The following PEX5 variants were observed in gnomAD, a reference collection of about 807,000 sequenced individuals.
PEX5 encodes peroxisomal biogenesis factor 5.
In PEX5, 52 loss-of-function variants were observed where a neutral mutation model predicts 82.9. The ratio of observed to expected loss-of-function variants is 0.63; its 90% CI spans 0.50 to 0.79. PEX5 has a LOEUF of 0.79. Ranked by LOEUF, PEX5 falls within the 30% of genes least tolerant of loss-of-function variation. The pLI, the probability that PEX5 is intolerant of heterozygous loss-of-function variation, is 0.00. For missense variants in PEX5, 719 were observed against 815.2 expected (o/e 0.88, Z 1.44); for synonymous variants, 300 against 318.8 (o/e 0.94, Z 0.63).
intron 2 of PEX5, 122 bp downstream of exon 2, chr12:7,190,646 G>T (rs1309862412): frequency 6.4e-7 from 1 of 1,553,962 alleles, no homozygotes; most frequent in Non-Finnish European, 8.7e-7. Flanking sequence ...AGCCCAGGTG[G>T]TGGTGGTCTG....
At chr12:7,200,064 G>C (rs1388067345) in intron 6 of PEX5, among the ~76,000 whole-genome samples, 1 of 137,590 alleles carries the variant, frequency 7.3e-6, no homozygotes, top group East Asian at 2.2e-4. Flanking sequence ...CTGGCCGGGC[G>C]GGGGGCTGAC....
At position 7,208,584 on chromosome 12, in the gene PEX5, G is replaced by T; in HGVS notation, c.1309G>T (p.Ala437Ser). Residue 437 changes from alanine (A) to serine (S), a missense_variant, in exon 13 of 16, where the codon GCC becomes TCC. Coordinates refer to ENST00000675855, the MANE Select transcript of PEX5 (RefSeq NM_001351132.2). ...CTGGCTGCGGTACACACCAGCCTAT[G>T]CCCATCTGGTGACACCTGCTGAAGA... Reference protein sequence around the residue: ...RDWLRYTPAYAHLVTPAEEGA... With the variant: ...RDWLRYTPAYSHLVTPAEEGA... 2 of 1,614,070 alleles carry T rather than the reference G, an allele frequency of 1.2e-6. No homozygotes were observed. Among genetic ancestry groups the T allele is most frequent in the Non-Finnish European group, 1.7e-6 (2 of 1,179,918 alleles).
At chr12:7,209,887 C>A (rs1591806445) in intron 15 of PEX5, 47 bp downstream of exon 15, 1 of 1,610,256 alleles carries the variant, frequency 6.2e-7, no homozygotes, top group African/African-American at 1.3e-5. Context: ...TTTCTCCCTG[C>A]CTTTGGCCCT....
At chr12:7,199,150 G>A (rs751238094) in intron 6 of PEX5, 37 bp downstream of exon 6, 5 of 1,172,776 alleles carry the variant, frequency 4.3e-6, no homozygotes, top group Non-Finnish European at 6.3e-6. Flanking sequence ...CCCGTGAAAG[G>A]AGTATGGACA....
chr12:7,200,059 C>T (rs1449089524), intron 6 of PEX5, among the ~76,000 whole-genome samples: 6 of 84,150 alleles, frequency 7.1e-5, no homozygotes, highest in African/African-American at 1.6e-4. Context: ...GGCGGCTGGC[C>T]GGGCGGGGGG....
intron 12 of PEX5, 138 bp downstream of exon 12, chr12:7,208,218 G>A (rs966821283): frequency 2.5e-6 from 2 of 790,428 alleles, no homozygotes; most frequent in African/African-American, 1.7e-5. Context: ...AAACTCTGAG[G>A]GTTGGAGTGA....
In PEX5 at chr12:7,199,063, A is replaced by C. The variant is rs1555177011; in HGVS notation, c.501A>C (p.Ser167=). The change falls in exon 6 of 16, where the codon TCA becomes TCC. Residue 167 remains serine (S), a synonymous_variant. Transcript: ENST00000675855. ...ARWAEEYLEQ[S]EEKLWLGEPE... ...GGGCTGAGGAATATTTGGAGCAATC[A>C]GAGGAGAAGCTGTGGCTGGGAGAAC... 2.5e-6 allele frequency: 4 copies of C among 1,610,740 alleles called. No individual in the cohort carries two copies. The highest frequency in any genetic ancestry group is 3.4e-6 in the Non-Finnish European group (4 of 1,178,286).
downstream of PEX5, among the ~76,000 whole-genome samples, chr12:7,211,694 C>T (rs554681672): frequency 6.6e-6 from 1 of 152,150 alleles, no homozygotes; most frequent in Non-Finnish European, 1.5e-5. Context: ...ATTTTTACTC[C>T]TGTTACTACT....
intron 6 of PEX5, among the ~76,000 whole-genome samples, chr12:7,200,063 C>CG (rs1390013942): frequency 7.6e-5 from 10 of 132,144 alleles, no homozygotes; most frequent in Non-Finnish European, 1.5e-4. Context: ...GCTGGCCGGG[C>CG]GGGGGGCTGA....
intron 9 of PEX5, among the ~76,000 whole-genome samples, chr12:7,203,045 C>G (rs1944306218): frequency 6.6e-6 from 1 of 152,066 alleles, no homozygotes; most frequent in East Asian, 1.9e-4. Context: ...GTAATCCCAG[C>G]TACTTGGGAG....
chr12:7,192,398 C>G (rs1304908923), intron 5 of PEX5, among the ~76,000 whole-genome samples: 1 of 152,164 alleles, frequency 6.6e-6, no homozygotes, highest in Non-Finnish European at 1.5e-5. Flanking sequence ...GCTATACTGT[C>G]AGGCCTGCAA....
At chr12:7,217,391 G>A (rs1234100115) in intron 17 of PEX5, among the ~76,000 whole-genome samples, 1 of 152,196 alleles carries the variant, frequency 6.6e-6, no homozygotes, top group South Asian at 2.1e-4. Flanking sequence ...TGTACTCACC[G>A]GGGAACATTC....
In PEX5 at chr12:7,201,769, T is replaced by C. The variant is rs767068406; in HGVS notation, c.570T>C (p.Pro190=). The C allele has an allele frequency of 6.2e-7, 1 of 1,613,708 alleles. No homozygotes were observed. Among genetic ancestry groups the C allele is most frequent in the Non-Finnish European group, 8.5e-7 (1 of 1,179,654 alleles). Residue 190 remains proline (P), a synonymous_variant, in exon 7 of 16, where the codon CCT becomes CCC. Transcript: ENST00000675855. ...ATDRWYDEYH[P]EEDLQHTASD... is the part of the protein sequence containing the mutation. Reference sequence around the variant, plus strand: ...GTTCCAGGTATGATGAATATCATCCTGAGGAGGATCTGCAGCACACGGCCA... The same window carrying C: ...GTTCCAGGTATGATGAATATCATCCCGAGGAGGATCTGCAGCACACGGCCA...
intron 5 of PEX5, 41 bp downstream of exon 5, chr12:7,191,741 G>A: frequency 6.3e-7 from 1 of 1,585,740 alleles, no homozygotes; most frequent in Non-Finnish European, 8.7e-7. Context: ...GCTTCTATGG[G>A]ACAGAATTCT....
rs1332513002 is a variant in PEX5 at position 7,191,330 on chromosome 12, G to A, written c.288G>A (p.Gln96=). The change falls in exon 4 of 16, where the codon CAG becomes CAA. Residue 96 remains glutamine, a synonymous_variant. Transcript: ENST00000675855. ...TGGCTGAGATGCAGCAGATTGAGCA[G>A]TCAAACTTCCGCCAGGCTCCCCAGA... ...DLLAEMQQIE[Q]SNFRQAPQRA... 1.2e-6 allele frequency: 2 copies of A among 1,614,090 alleles called. No individual in the cohort carries two copies. The highest frequency in any genetic ancestry group is 2.7e-5 in the African/African-American group (2 of 74,926).
chr12:7,191,798 T>C (rs955906688), intron 5 of PEX5, 98 bp downstream of exon 5: 3 of 1,150,434 alleles, frequency 2.6e-6, no homozygotes, highest in African/African-American at 3.0e-5. Context: ...ATTTTTCTGG[T>C]CTCATGACTC....
chr12:7,199,083 G>A lies in PEX5; in HGVS notation c.521G>A (p.Gly174Glu), dbSNP rs778398016. 6.2e-7 allele frequency: 1 copy of A among 1,607,356 alleles called. No individual in the cohort carries two copies. The change falls in exon 6 of 16, where the codon GGA becomes GAA. Residue 174 changes from glycine to glutamate, a missense_variant. Transcript: ENST00000675855. ...CAATCAGAGGAGAAGCTGTGGCTGG[G>A]AGAACCTGAGGGAACAGCCACCGAT... The part of the protein sequence containing the change: ...LEQSEEKLWL[G>E]EPEGTATDRW...
intron 5 of PEX5, among the ~76,000 whole-genome samples, chr12:7,198,727 A>G (rs1168441790): frequency 6.6e-6 from 1 of 152,188 alleles, no homozygotes; most frequent in East Asian, 1.9e-4. Context: ...ACTTCAAGAA[A>G]AAGAGTTTGG....
intron 5 of PEX5, among the ~76,000 whole-genome samples, chr12:7,197,614 T>TC (rs11399275): frequency 0.72 from 98,156 of 136,146 alleles, 36,276 homozygotes; most frequent in South Asian, 0.82. Flanking sequence ...AGAGTCTTGA[T>TC]CTTTGTTTTT....
Sources: allele counts gnomAD v4.1 joint callset (sites outside exome capture counted in the v4.1 genomes callset), GRCh38; gene constraint gnomAD v4.1.1; transcripts MANE v1.5; gene names NCBI Gene and HGNC (gene_info 2026-07-23, HGNC 2026-07-21).